The following USP53 variants were observed in gnomAD, a reference collection of about 807,000 sequenced individuals.
USP53 encodes ubiquitin carboxyl-terminal hydrolase 53.
USP53 carries 71 observed loss-of-function variants against 94.9 expected under a neutral mutation model. The ratio of observed to expected loss-of-function variants is 0.75; its 90% CI spans 0.62 to 0.91. USP53 has a LOEUF of 0.91. USP53 is among the 40% of genes least tolerant of loss of function. The pLI is 0.00. For synonymous variants in USP53, 375 were observed against 422.7 expected (o/e 0.89, Z 1.39); for missense variants, 1,173 against 1,281.0 (o/e 0.92, Z 1.29).
chr4:119,289,198 G>T (rs1403914076), intron 17 of USP53, among the ~76,000 whole-genome samples: 1 of 152,086 alleles, frequency 6.6e-6, no homozygotes, highest in Admixed American at 6.6e-5. Context: ...ATAACAAAAA[G>T]ATGTGCAAAT....
intron 12 of USP53, among the ~76,000 whole-genome samples, chr4:119,266,065 G>T (rs1751090502): frequency 6.6e-6 from 1 of 152,064 alleles, no homozygotes; most frequent in African/African-American, 2.4e-5. Context: ...GGAAATCACT[G>T]GTCTCATTAT....
chr4:119,225,934 G>A (rs1170341921), intron 3 of USP53, among the ~76,000 whole-genome samples: 2 of 152,102 alleles, frequency 1.3e-5, no homozygotes, highest in Non-Finnish European at 2.9e-5. Context: ...AGGAATACAA[G>A]GTTGATTTAA....
intron 3 of USP53, chr4:119,221,444 A>AG (rs1240240172): frequency 1.5e-4 from 23 of 150,070 alleles, no homozygotes; most frequent in African/African-American, 5.2e-4. Context: ...AAAAAAAAAA[A>AG]TTAGTACTAG....
At chr4:119,238,004 T>C (rs188682562) in intron 4 of USP53, among the ~76,000 whole-genome samples, 119 of 152,340 alleles carry the variant, frequency 7.8e-4, no homozygotes, top group African/African-American at 2.8e-3. Flanking sequence ...CTTAAAGGAA[T>C]GTTGTAACTG....
chr4:119,244,399 G>A (rs1261833659), intron 5 of USP53, among the ~76,000 whole-genome samples: 1 of 152,096 alleles, frequency 6.6e-6, no homozygotes, highest in African/African-American at 2.4e-5. Flanking sequence ...TTTTATTTGG[G>A]AGAAAGGAGA....
chr4:119,240,211 C>G (rs1005318957), intron 5 of USP53, among the ~76,000 whole-genome samples: 1 of 151,954 alleles, frequency 6.6e-6, no homozygotes, highest in Non-Finnish European at 1.5e-5. Context: ...GCTAACACCC[C>G]TCCCTTTGAA....
At chr4:119,214,452 T>G (rs1281970042) in intron 2 of USP53, among the ~76,000 whole-genome samples, 1 of 152,126 alleles carries the variant, frequency 6.6e-6, no homozygotes, top group Non-Finnish European at 1.5e-5. Context: ...CTAAGAATTT[T>G]AACAAATATT....
chr4:119,267,776 C>T (rs1244837918), intron 13 of USP53, among the ~76,000 whole-genome samples: 1 of 152,110 alleles, frequency 6.6e-6, no homozygotes, highest in African/African-American at 2.4e-5. Flanking sequence ...CTGGAAAAGT[C>T]CGAAACAGCT....
In USP53 at chr4:119,249,813, C is replaced by T. The variant is rs184271026; in HGVS notation, c.372+931C>T. Among the ~76,000 whole-genome samples the T allele has an allele frequency of 4.9e-3, 743 of 151,714 alleles. 5 individuals carry two copies. Among genetic ancestry groups the T allele is most frequent in the Middle Eastern group, 0.017 (5 of 292 alleles). On this transcript the variant is annotated intron_variant, in intron 7 of 18. Coordinates refer to ENST00000692078, the MANE Select transcript of USP53 (RefSeq NM_001371395.1). ...CTGAGTAGCTGGGACTACAGGTGCC[C>T]GCCACCATGCCCGGCTAATTTTTTG...
At chr4:119,252,433 G>A (rs1380730593) in intron 7 of USP53, among the ~76,000 whole-genome samples, 3 of 152,152 alleles carry the variant, frequency 2.0e-5, no homozygotes, top group East Asian at 1.9e-4. Context: ...TCTACTCAGA[G>A]ATTCAACTTC....
At chr4:119,265,423 G>A (rs1318135527) in intron 12 of USP53, among the ~76,000 whole-genome samples, 1 of 152,146 alleles carries the variant, frequency 6.6e-6, no homozygotes, top group Non-Finnish European at 1.5e-5. Flanking sequence ...AGAACTGGCT[G>A]TATTAATCAC....
chr4:119,259,380 CA>C (rs1484167801), intron 9 of USP53, among the ~76,000 whole-genome samples: 3 of 151,924 alleles, frequency 2.0e-5, no homozygotes, highest in African/African-American at 7.3e-5. Context: ...ATTTAATCAG[CA>C]AAGGACCTTC....
At chr4:119,215,579 G>A (rs111911831) in intron 2 of USP53, among the ~76,000 whole-genome samples, 5 of 151,928 alleles carry the variant, frequency 3.3e-5, no homozygotes, top group African/African-American at 1.2e-4. Context: ...TTAGAATTGA[G>A]TTTTAATATA....
intron 18 of USP53, 93 bp from the exon 19 acceptor site, chr4:119,292,245 G>C: frequency 7.5e-7 from 1 of 1,324,550 alleles, no homozygotes; most frequent in Non-Finnish European, 1.0e-6. Flanking sequence ...CTGTATTTTG[G>C]GAAAATCAAA....
chr4:119,213,660 A>ATATATATATG lies in USP53; in HGVS notation c.-941-409_-941-408insATATATATGT. Among the ~76,000 whole-genome samples the ATATATATATG allele has an allele frequency of 1.7e-3, 203 of 117,750 alleles. 3 individuals are homozygous for ATATATATATG. Among genetic ancestry groups the ATATATATATG allele is most frequent in the South Asian group, 8.3e-3 (29 of 3,474 alleles). The allele number at this position is 117,750 out of a possible 152,430, so 77.2% of individuals were successfully genotyped here. On this transcript the variant is annotated intron_variant, in intron 1 of 18. Transcript: ENST00000692078. Reference sequence around the variant, plus strand: ...GAAATAGATATATATATATATATATATGTGTGTGTGTGTATGTATGTATGT... The same window carrying ATATATATATG: ...GAAATAGATATATATATATATATATATATATATATGTGTGTGTGTGTGTATGTATGTATGT...
In USP53 at chr4:119,292,653, A is replaced by C. The variant is rs577899008; in HGVS notation, c.2664A>C (p.Gln888His). 6.2e-7 allele frequency: 1 copy of C among 1,614,088 alleles called. No homozygotes were observed. Among genetic ancestry groups the C allele is most frequent in the African/African-American group, 1.3e-5 (1 of 75,054 alleles). ...TCCAGCAACAAAATATCATGGATCA[A>C]TGTTACTTTGAGAACTCTCTATCCA... ...PLIQQQNIMDQCYFENSLSTE... is the reference protein window; with the variant it reads ...PLIQQQNIMDHCYFENSLSTE... Residue 888 changes from glutamine (Q) to histidine (H), a missense_variant, in exon 19 of 19, where the codon CAA (glutamine) becomes CAC (histidine). By Grantham distance (24) the Gln-to-His change is conservative (BLOSUM62 0). Transcript: ENST00000692078.
rs192332954 is a variant in USP53, at chr4:119,268,254, C to T, written c.1136-14C>T. 7,074 of 1,572,206 alleles carry T rather than the reference C, an allele frequency of 4.5e-3. 21 individuals carry two copies. The highest frequency in any genetic ancestry group is 5.7e-3 in the Non-Finnish European group (6,565 of 1,160,772). ...GAAGGAAAGGAATGATACATTTTTGCTTCTCTTTTTAAGGATGTGAAAAGC... is the reference window on the plus strand; with the variant it reads ...GAAGGAAAGGAATGATACATTTTTGTTTCTCTTTTTAAGGATGTGAAAAGC... On this transcript the variant is annotated splice_polypyrimidine_tract_variant and intron_variant, in intron 13 of 18. Coordinates refer to ENST00000692078, the MANE Select transcript of USP53 (RefSeq NM_001371395.1).
chr4:119,241,692 G>A (rs1203294432), intron 5 of USP53, among the ~76,000 whole-genome samples: 2 of 152,010 alleles, frequency 1.3e-5, no homozygotes, highest in Non-Finnish European at 2.9e-5. Flanking sequence ...CTTGATATAG[G>A]TTTCTTCATG....
intron 7 of USP53, among the ~76,000 whole-genome samples, chr4:119,251,059 C>T (rs1189142964): frequency 1.3e-5 from 2 of 151,494 alleles, no homozygotes; most frequent in Non-Finnish European, 2.9e-5. Context: ...TCCCCTAGCC[C>T]CCCACCCCCC....
Sources: gnomAD v4.1 joint callset for allele counts (sites outside exome capture counted in the v4.1 genomes callset) on GRCh38, gnomAD v4.1.1 for gene constraint, MANE v1.5 for transcripts, NCBI Gene and HGNC (gene_info 2026-07-23, HGNC 2026-07-21) for gene names.